The following TENM3 variants were observed in gnomAD, a reference collection of about 807,000 sequenced individuals.
The protein encoded by TENM3 is teneurin-3.
TENM3 carries 63 observed loss-of-function variants against 255.1 expected under a neutral mutation model. The ratio of observed to expected loss-of-function variants is 0.25; its 90% CI spans 0.20 to 0.30. The LOEUF (loss-of-function observed/expected upper bound fraction) is 0.30. Among genes scored for constraint, TENM3 ranks in the 10% least tolerant of loss-of-function variants. The probability of loss-of-function intolerance (pLI) is 1.00; values close to 1 mark genes in which losing one functional copy is unlikely to be tolerated. For synonymous variants in TENM3, 1,306 were observed against 1,322.3 expected, an observed-to-expected ratio of 0.99 and a Z score of 0.27; for missense variants, 2,929 against 3,461.1, an observed-to-expected ratio of 0.85 and a Z score of 3.86.
intron 1 of TENM3, among the ~76,000 whole-genome samples, chr4:182,186,395 T>G (rs2149764893): frequency 6.6e-6 from 1 of 152,228 alleles, no homozygotes; most frequent in East Asian, 1.9e-4. Context: ...TTTTACAAAA[T>G]TCACCTGTTT....
Position 182,789,900 on chromosome 4 carries a change from A to T in TENM3, c.5601+511A>T, listed in dbSNP as rs113261392. 0.011 allele frequency among the ~76,000 whole-genome samples: 1,711 copies of T among 152,318 alleles called. 31 individuals carry two copies. The highest frequency in any genetic ancestry group is 0.039 in the African/African-American group (1,620 of 41,562). ...GCCACACTTTCGGGTACTCTGTGGCATCTTTCCTTTCTTCTACATATAAAA... is the reference window on the plus strand; with the variant it reads ...GCCACACTTTCGGGTACTCTGTGGCTTCTTTCCTTTCTTCTACATATAAAA... On this transcript the variant is annotated intron_variant, in intron 25 of 27. Transcript: ENST00000511685. This position sits in a 1 kb window ranked among gnomAD's most constrained non-coding sequence, Gnocchi z 4.4.
chr4:182,763,864 T>C (rs1404219280), intron 22 of TENM3, among the ~76,000 whole-genome samples: 1 of 152,234 alleles, frequency 6.6e-6, no homozygotes, highest in Non-Finnish European at 1.5e-5. Context: ...TAGTGAGAAA[T>C]GTTATGCCCA....
the TENM3 span, among the ~76,000 whole-genome samples, chr4:181,763,080 CTA>C: frequency 6.6e-6 from 1 of 152,124 alleles, no homozygotes; most frequent in Non-Finnish European, 1.5e-5. Flanking sequence ...TGATTGATGA[CTA>C]TGAATGACAA....
the TENM3 span, among the ~76,000 whole-genome samples, chr4:181,543,324 A>G: frequency 6.6e-6 from 1 of 151,724 alleles, no homozygotes; most frequent in South Asian, 2.1e-4. Flanking sequence ...ACAAAGGATA[A>G]AATGTAAGGG....
chr4:182,393,896 T>C (rs1263315862), intron 3 of TENM3, among the ~76,000 whole-genome samples: 5 of 152,144 alleles, frequency 3.3e-5, no homozygotes, highest in Admixed American at 6.5e-5. Context: ...AGATACCAAC[T>C]GAAATGTGGC....
At chr4:182,067,710 G>A in the TENM3 span, among the ~76,000 whole-genome samples, 1 of 152,156 alleles carries the variant, frequency 6.6e-6, no homozygotes, top group Non-Finnish European at 1.5e-5. Context: ...TTTCTCCAAG[G>A]CCCTTCATAT....
intron 1 of TENM3, among the ~76,000 whole-genome samples, chr4:182,283,893 G>A (rs17072967): frequency 0.032 from 4,855 of 152,160 alleles, 255 homozygotes; most frequent in African/African-American, 0.11. Flanking sequence ...ATTTTTAAGC[G>A]GTTTAAGAAA....
chr4:182,761,193 C>T (rs1002010818), intron 22 of TENM3, among the ~76,000 whole-genome samples: 12 of 152,024 alleles, frequency 7.9e-5, no homozygotes, highest in Admixed American at 7.2e-4. Flanking sequence ...CTGAGGTGGG[C>T]GGATCACATG....
the TENM3 span, among the ~76,000 whole-genome samples, chr4:181,604,548 C>A: frequency 2.0e-5 from 3 of 152,142 alleles, no homozygotes; most frequent in Non-Finnish European, 4.4e-5. Context: ...TTCCTCGGGG[C>A]CACTGGAGCC....
the TENM3 span, among the ~76,000 whole-genome samples, chr4:181,895,410 A>G: frequency 6.6e-6 from 1 of 151,964 alleles, no homozygotes; most frequent in Non-Finnish European, 1.5e-5. Context: ...AGTAATAAAC[A>G]TTATCTCAGC....
At chr4:182,013,310 G>A in the TENM3 span, among the ~76,000 whole-genome samples, 3 of 152,222 alleles carry the variant, frequency 2.0e-5, no homozygotes, top group African/African-American at 7.2e-5. Flanking sequence ...CCTAGCAGAT[G>A]CAGTAAAGCT....
the TENM3 span, among the ~76,000 whole-genome samples, chr4:182,095,364 A>G: frequency 9.6e-4 from 146 of 152,346 alleles, no homozygotes; most frequent in Middle Eastern, 3.4e-3. Context: ...ATTTAGCCAT[A>G]AAAAAGAATG....
At chr4:181,908,123 T>C in the TENM3 span, among the ~76,000 whole-genome samples, 1 of 152,216 alleles carries the variant, frequency 6.6e-6, no homozygotes. Context: ...CTTTCTTCCT[T>C]TGCATTTATT....
At chr4:182,057,408 CT>C in the TENM3 span, among the ~76,000 whole-genome samples, 1,100 of 132,468 alleles carry the variant, frequency 8.3e-3, 8 homozygotes, top group African/African-American at 0.02. Context: ...CTTTTCTTTT[CT>C]TTTTTTTTTT....
At chr4:181,917,301 AAGG>A in the TENM3 span, among the ~76,000 whole-genome samples, 3 of 152,218 alleles carry the variant, frequency 2.0e-5, no homozygotes, top group African/African-American at 7.2e-5. Context: ...AACAGTGTAA[AAGG>A]GATCGATAGA....
the TENM3 span, among the ~76,000 whole-genome samples, chr4:181,591,707 C>G: frequency 6.6e-6 from 1 of 152,218 alleles, no homozygotes; most frequent in African/African-American, 2.4e-5. Flanking sequence ...CTATTGCAGA[C>G]TGCACATGCA....
intron 1 of TENM3, among the ~76,000 whole-genome samples, chr4:182,291,235 G>T (rs1247392671): frequency 6.6e-6 from 1 of 152,156 alleles, no homozygotes; most frequent in African/African-American, 2.4e-5. Context: ...TCTCCGGCAG[G>T]CTTCCCACGG....
the TENM3 span, among the ~76,000 whole-genome samples, chr4:181,740,497 G>A: frequency 1.3e-5 from 2 of 152,080 alleles, no homozygotes; most frequent in Non-Finnish European, 2.9e-5. Context: ...AAGAGCTGTA[G>A]TTTAAGAAAG....
At chr4:182,712,974 C>T (rs1447937524) in intron 12 of TENM3, among the ~76,000 whole-genome samples, 11 of 152,216 alleles carry the variant, frequency 7.2e-5, no homozygotes, top group Admixed American at 5.2e-4. Flanking sequence ...TAAACAAGGA[C>T]ACCAGAATCT....
Sources: allele counts gnomAD v4.1 joint callset (sites outside exome capture counted in the v4.1 genomes callset), GRCh38; gene constraint gnomAD v4.1.1; non-coding constraint Gnocchi (gnomAD v3.1); transcripts MANE v1.5; gene names NCBI Gene and HGNC (gene_info 2026-07-23, HGNC 2026-07-21).